MORC1: variants seen among roughly 807,000 people sequenced by gnomAD.
MORC1 encodes MORC family CW-type zinc finger 1, also known as MORC family CW-type zinc finger protein 1.
A neutral mutation model predicts 134.9 loss-of-function variants in MORC1; 59 were observed. The ratio of observed to expected loss-of-function variants is 0.44; its 90% CI spans 0.35 to 0.54. The LOEUF is 0.54. Ranked by LOEUF, MORC1 falls within the 20% of genes least tolerant of loss-of-function variation. The probability of loss-of-function intolerance (pLI) is 0.00; values close to 1 mark genes in which losing one functional copy is unlikely to be tolerated. For synonymous variants in MORC1, 395 were observed against 391.7 expected (o/e 1.01, Z -0.10); for missense variants, 947 against 1,134.5 (o/e 0.83, Z 2.37).
At chr3:109,062,617 TC>T (rs1950108750) in intron 10 of MORC1, among the ~76,000 whole-genome samples, 1 of 152,076 alleles carries the variant, frequency 6.6e-6, no homozygotes. Flanking sequence ...AGACAGGGTT[TC>T]ACCGTGTTAG....
rs869268807 is a variant in MORC1 at position 109,044,959 on chromosome 3, AAG to A, written c.1331-9493_1331-9492del. 4.1e-4 allele frequency among the ~76,000 whole-genome samples: 61 copies of A among 150,588 alleles called. 2 individuals carry two copies. Among genetic ancestry groups the A allele is most frequent in the Non-Finnish European group, 7.0e-4 (47 of 67,456 alleles). On this transcript the variant is annotated intron_variant, in intron 14 of 27. Transcript: ENST00000232603. Reference sequence around the variant, plus strand: ...GACTCTGTCTCAAAAAAAAAAAAAAAAGAAAAAGAAATACAACATCCTCTTAG... The same window carrying A: ...GACTCTGTCTCAAAAAAAAAAAAAAAAAAAAGAAATACAACATCCTCTTAG...
In MORC1 at chr3:109,057,354, T is replaced by G; in HGVS notation, c.1164A>C (p.Lys388Asn). 6.2e-7 allele frequency: 1 copy of G among 1,610,184 alleles called. No individual in the cohort carries two copies. Among genetic ancestry groups the G allele is most frequent in the East Asian group, 2.2e-5 (1 of 44,818 alleles). The change falls in exon 13 of 28, where the codon AAA (lysine) becomes AAC (asparagine). Residue 388 changes from lysine (K) to asparagine (N), a missense_variant. This residue lies in a region of MORC1 where 722 missense variants were observed against 817.0 expected (regional missense o/e 0.88). Coordinates refer to ENST00000232603, the MANE Select transcript of MORC1 (RefSeq NM_014429.4). ...AAAAACATACTCACAAGGACTTCAGTTTCAACTGTGAGCCCACTTTTTCAT... is the reference window on the plus strand; with the variant it reads ...AAAAACATACTCACAAGGACTTCAGGTTCAACTGTGAGCCCACTTTTTCAT... ...KMHEKVGSQL[K>N]LKSLLGAGVV...
chr3:109,076,081 C>T (rs190893033), intron 8 of MORC1, among the ~76,000 whole-genome samples: 17 of 152,150 alleles, frequency 1.1e-4, no homozygotes, highest in African/African-American at 3.6e-4. Context: ...TGCAATCTAT[C>T]TATCTGACAA....
At chr3:108,985,351 A>G (rs1947868101) in intron 22 of MORC1, among the ~76,000 whole-genome samples, 1 of 152,202 alleles carries the variant, frequency 6.6e-6, no homozygotes, top group African/African-American at 2.4e-5. Flanking sequence ...GGATTGTTTT[A>G]AGAGTGTCTT....
chr3:109,014,286 T>C (rs185060498), intron 17 of MORC1, among the ~76,000 whole-genome samples: 55 of 152,338 alleles, frequency 3.6e-4, no homozygotes, highest in African/African-American at 2.4e-5. Flanking sequence ...TTTCAATAAA[T>C]TGTAAACTCC....
rs1384379566 is a variant in MORC1 at position 109,035,466 on chromosome 3, T to C, written c.1333A>G (p.Asn445Asp). 6 of 1,342,180 alleles carry C rather than the reference T, an allele frequency of 4.5e-6. No individual in the cohort carries two copies. The highest frequency in any genetic ancestry group is 4.9e-6 in the Non-Finnish European group (5 of 1,025,186). The allele number at this position is 1,342,180 out of a possible 1,614,324, so 83.1% of individuals were successfully genotyped here. Residue 445 changes from asparagine to aspartate, a missense_variant and splice_region_variant, in exon 15 of 28, where the codon AAT becomes GAT. Asn to Asp is a conservative substitution (Grantham distance 23). Transcript: ENST00000232603. ...VQYCKDTGIN[N>D]RNLTLFCNEF... ...TTGCAAAACAATGTTAAATTTCTAT[T>C]ATCTTTTAAAAAAAAAAGCAGGCAA...
intron 14 of MORC1, among the ~76,000 whole-genome samples, chr3:109,049,625 C>T (rs868161350): frequency 1.1e-4 from 16 of 152,190 alleles, no homozygotes; most frequent in African/African-American, 3.9e-4. Context: ...TGATTCTACA[C>T]TAGGGCTCAA....
At chr3:109,069,572 G>A in intron 9 of MORC1, 60 bp downstream of exon 9, 1 of 1,446,796 alleles carries the variant, frequency 6.9e-7, no homozygotes, top group Non-Finnish European at 9.3e-7. Flanking sequence ...ACAACTTTGG[G>A]GAGCATATCA....
At chr3:109,008,277 A>G (rs1277181942) in intron 17 of MORC1, among the ~76,000 whole-genome samples, 1 of 152,142 alleles carries the variant, frequency 6.6e-6, no homozygotes, top group African/African-American at 2.4e-5. Context: ...AATTTCCAAA[A>G]GTGACATTTC....
At chr3:108,969,902 T>G (rs1947329091) in intron 25 of MORC1, among the ~76,000 whole-genome samples, 180 bp from the exon 26 acceptor site, 1 of 152,238 alleles carries the variant, frequency 6.6e-6, no homozygotes, top group Non-Finnish European at 1.5e-5. Flanking sequence ...AATTATACTT[T>G]GCTTCCTTCC....
chr3:109,036,108 T>C (rs1352011093), intron 14 of MORC1, among the ~76,000 whole-genome samples: 2 of 152,136 alleles, frequency 1.3e-5, no homozygotes, highest in Non-Finnish European at 2.9e-5. Flanking sequence ...ATGTATATTA[T>C]AGCATTGCTC....
intron 8 of MORC1, among the ~76,000 whole-genome samples, chr3:109,090,620 CAA>C (rs34093019): frequency 8.0e-4 from 44 of 54,694 alleles, no homozygotes; most frequent in South Asian, 3.1e-3. Context: ...AACTCCGTCT[CAA>C]AAAAAAAAAA....
chr3:109,028,282 G>A (rs1454827166), intron 16 of MORC1, among the ~76,000 whole-genome samples: 1 of 151,936 alleles, frequency 6.6e-6, no homozygotes, highest in Admixed American at 6.6e-5. Context: ...TTAAAATATA[G>A]CAAATAATTA....
At chr3:109,041,716 G>A (rs796208659) in intron 14 of MORC1, among the ~76,000 whole-genome samples, 12 of 152,166 alleles carry the variant, frequency 7.9e-5, no homozygotes, top group Middle Eastern at 3.4e-3. Flanking sequence ...GTGTGGTGGC[G>A]CATACCTGTA....
At chr3:109,097,218 ATAAGAT>A (rs1234552759) in intron 6 of MORC1, among the ~76,000 whole-genome samples, 1 of 152,246 alleles carries the variant, frequency 6.6e-6, no homozygotes, top group Admixed American at 6.5e-5. Context: ...TGGGTCACAT[ATAAGAT>A]TAAGTAATTA....
chr3:109,032,268 C>A (rs2107608408), intron 16 of MORC1, among the ~76,000 whole-genome samples: 1 of 152,232 alleles, frequency 6.6e-6, no homozygotes, highest in Admixed American at 6.5e-5. Flanking sequence ...TTTAATCAGT[C>A]TTTTTCCTGT....
At position 108,988,040 on chromosome 3, in the gene MORC1, G is replaced by A. The variant is rs927029270; in HGVS notation, c.2188-1091C>T. Among the ~76,000 whole-genome samples, 12 of 151,846 alleles carry A rather than the reference G, an allele frequency of 7.9e-5. No individual in the cohort carries two copies. In the South Asian group the frequency reaches 2.5e-3, roughly 32 times the overall value. ...AGGTTTTTTGAAGTTTGCTCATTGT[G>A]GACATATCTTTCATCTTTCATGCCC... On this transcript the variant is annotated intron_variant, in intron 21 of 27. Transcript: ENST00000232603.
intron 21 of MORC1, among the ~76,000 whole-genome samples, chr3:108,997,955 T>A (rs1464619118): frequency 1.3e-5 from 2 of 152,148 alleles, no homozygotes; most frequent in Non-Finnish European, 2.9e-5. Context: ...GGAGTTATTG[T>A]CCCGAAAGCC....
chr3:109,090,545 A>T (rs1422939608), intron 8 of MORC1, among the ~76,000 whole-genome samples: 3 of 147,658 alleles, frequency 2.0e-5, no homozygotes, highest in Non-Finnish European at 4.5e-5. Flanking sequence ...ATTTGAACCC[A>T]GGAGGCAGAA....
Sources: gnomAD v4.1 joint callset for allele counts (sites outside exome capture counted in the v4.1 genomes callset) on GRCh38, gnomAD v4.1.1 for gene constraint, gnomAD v4.1.1 regional missense constraint, MANE v1.5 for transcripts, NCBI Gene and HGNC (gene_info 2026-07-23, HGNC 2026-07-21) for gene names.